GRIK4: variants seen among roughly 807,000 people sequenced by gnomAD.
GRIK4 encodes glutamate receptor ionotropic, kainate 4.
A neutral mutation model predicts 104.9 loss-of-function variants in GRIK4; 40 were observed. That is an observed-to-expected ratio of 0.38 (90% CI 0.30 to 0.50). The LOEUF (loss-of-function observed/expected upper bound fraction) is 0.50. Ranked by LOEUF, GRIK4 falls within the 20% of genes least tolerant of loss-of-function variation. GRIK4 has a pLI of 0.93. For synonymous variants in GRIK4, 485 were observed against 524.9 expected (o/e 0.92, Z 1.04); for missense variants, 1,047 against 1,308.1 (o/e 0.80, Z 3.08).
intron 3 of GRIK4, among the ~76,000 whole-genome samples, chr11:120,766,612 G>A (rs1041624518): frequency 6.6e-6 from 1 of 152,180 alleles, no homozygotes; most frequent in Non-Finnish European, 1.5e-5. Flanking sequence ...CCTGTTCTGT[G>A]GGTTGCAAAG....
At chr11:120,830,734 G>C (rs191632142) in intron 6 of GRIK4, among the ~76,000 whole-genome samples, 1 of 152,118 alleles carries the variant, frequency 6.6e-6, no homozygotes. Flanking sequence ...AAAATGTTTC[G>C]CACATTAACT....
At chr11:120,912,847 G>A (rs1243077401) in intron 13 of GRIK4, among the ~76,000 whole-genome samples, 1 of 152,228 alleles carries the variant, frequency 6.6e-6, no homozygotes, top group African/African-American at 2.4e-5. Context: ...GGAATTGGCA[G>A]TGTCAGTAAA....
At chr11:120,703,452 G>C (rs142608948) in intron 3 of GRIK4, among the ~76,000 whole-genome samples, 190 of 152,180 alleles carry the variant, frequency 1.2e-3, no homozygotes, top group African/African-American at 4.3e-3. Context: ...TAAAGTTCTA[G>C]GGTTTATTAG....
chr11:120,640,623 T>G (rs1230579979), intron 1 of GRIK4, among the ~76,000 whole-genome samples: 1 of 152,242 alleles, frequency 6.6e-6, no homozygotes, highest in South Asian at 2.1e-4. Flanking sequence ...GCCATGTAAC[T>G]TTCTTTTAAC....
intron 13 of GRIK4, among the ~76,000 whole-genome samples, chr11:120,920,964 G>A (rs1943215554): frequency 6.6e-6 from 1 of 152,188 alleles, no homozygotes; most frequent in Non-Finnish European, 1.5e-5. Flanking sequence ...CTTGGACACA[G>A]CATGGTCAGT....
intron 3 of GRIK4, among the ~76,000 whole-genome samples, chr11:120,751,805 C>A (rs1199324884): frequency 6.6e-6 from 1 of 152,222 alleles, no homozygotes; most frequent in Non-Finnish European, 1.5e-5. Flanking sequence ...CCTGTGCTCC[C>A]CTCAGCAGCA....
At chr11:120,649,236 T>G (rs538699180) in intron 1 of GRIK4, among the ~76,000 whole-genome samples, 1 of 152,240 alleles carries the variant, frequency 6.6e-6, no homozygotes, top group East Asian at 1.9e-4. Flanking sequence ...GGGGGCTGAT[T>G]CTGGGTTTCT....
rs778862349 is a variant in GRIK4, at chr11:120,830,607, C to A, written c.512-1245C>A. 2.0e-4 allele frequency among the ~76,000 whole-genome samples: 31 copies of A among 152,142 alleles called. 1 individual carries two copies. Among genetic ancestry groups the A allele is most frequent in the Non-Finnish European group, 4.0e-4 (27 of 68,016 alleles). ...CTGGTTACAAAGCCAACCTTTCCCT[C>A]GCCATCCCAGTGTGTGAGGCCAGTT... On this transcript the variant is annotated intron_variant, in intron 6 of 20. Transcript: ENST00000527524.
chr11:120,568,389 C>A, intron 1 of GRIK4, among the ~76,000 whole-genome samples: 1 of 140,456 alleles, frequency 7.1e-6, no homozygotes, highest in Non-Finnish European at 1.5e-5. Context: ...CTTTTCTTTT[C>A]TTTTCTTTTT....
At chr11:120,801,447 G>A (rs1030553761) in intron 3 of GRIK4, among the ~76,000 whole-genome samples, 4 of 152,100 alleles carry the variant, frequency 2.6e-5, no homozygotes, top group African/African-American at 7.2e-5. Context: ...GGCTGGTCTC[G>A]AACTCCTGAC....
At position 120,630,008 on chromosome 11, in the gene GRIK4, T is replaced by A. The variant is rs180814859; in HGVS notation, c.-158-23677T>A. Among the ~76,000 whole-genome samples, 348 of 152,314 alleles carry A rather than the reference T, an allele frequency of 2.3e-3. 1 individual carries two copies. Among genetic ancestry groups the A allele is most frequent in the Non-Finnish European group, 3.9e-3 (263 of 68,018 alleles). On this transcript the variant is annotated intron_variant, in intron 1 of 20. Coordinates refer to ENST00000527524, the MANE Select transcript of GRIK4 (RefSeq NM_014619.5). The stretch of plus-strand genomic sequence containing the variant: ...CAAAATAAAAGGCACCTGGCATTTG[T>A]GTGTGGGGGAGAGAGGGGCACTGTG...
At chr11:120,969,413 T>C (rs1196375820) in intron 19 of GRIK4, among the ~76,000 whole-genome samples, 1 of 151,920 alleles carries the variant, frequency 6.6e-6, no homozygotes. Flanking sequence ...TGAAGATGGA[T>C]GTGGGGCAGG....
chr11:120,886,007 A>T (rs907649439), intron 11 of GRIK4, among the ~76,000 whole-genome samples: 12 of 152,226 alleles, frequency 7.9e-5, no homozygotes, highest in Non-Finnish European at 1.6e-4. Flanking sequence ...GGGATTAGGG[A>T]TGGAAGTCTG....
rs563968482 is a variant in GRIK4, at chr11:120,884,382, G to A, written c.1164+9139G>A. 4.3e-4 allele frequency among the ~76,000 whole-genome samples: 66 copies of A among 152,312 alleles called. 1 individual carries two copies. The highest frequency in any genetic ancestry group is 1.4e-3 in the African/African-American group (59 of 41,566). On this transcript the variant is annotated intron_variant, in intron 11 of 20. Coordinates refer to ENST00000527524, the MANE Select transcript of GRIK4 (RefSeq NM_014619.5). ...TTCCCGGAGTCTCGCTTCTAGGCTG[G>A]CTCAGGGCAGAGAGAAGAACAAAAC...
At chr11:120,871,816 G>A (rs1263782216) in intron 9 of GRIK4, 3 of 456,274 alleles carry the variant, frequency 6.6e-6, no homozygotes, top group Admixed American at 2.3e-5. Flanking sequence ...GAGAGAGAGA[G>A]GGAGGAAGAA....
At chr11:120,741,281 T>TC (rs1296367570) in intron 3 of GRIK4, among the ~76,000 whole-genome samples, 30 of 140,128 alleles carry the variant, frequency 2.1e-4, no homozygotes, top group African/African-American at 2.4e-4. Flanking sequence ...CTTTCTTTTT[T>TC]TTTTTTTTTT....
intron 3 of GRIK4, among the ~76,000 whole-genome samples, chr11:120,745,249 C>T (rs1951418652): frequency 6.6e-6 from 1 of 152,222 alleles, no homozygotes; most frequent in Admixed American, 6.5e-5. Flanking sequence ...TCCTGTGATT[C>T]TGCCTCTCTC....
chr11:120,684,777 C>A (rs575472932), intron 3 of GRIK4, among the ~76,000 whole-genome samples: 2 of 152,150 alleles, frequency 1.3e-5, no homozygotes, highest in East Asian at 3.9e-4. Flanking sequence ...GTGGCGCGAT[C>A]TCAGCTCACT....
intron 19 of GRIK4, among the ~76,000 whole-genome samples, chr11:120,976,740 A>G (rs771134308): frequency 2.2e-4 from 34 of 152,326 alleles, no homozygotes; most frequent in Admixed American, 8.5e-4. Context: ...ATCTCGTGGC[A>G]CTAGTCAGTC....
Sources: gnomAD v4.1 joint callset for allele counts (sites outside exome capture counted in the v4.1 genomes callset) on GRCh38, gnomAD v4.1.1 for gene constraint, MANE v1.5 for transcripts, NCBI Gene and HGNC (gene_info 2026-07-23, HGNC 2026-07-21) for gene names.